The following SSU72L2 variants were observed in gnomAD, a reference collection of about 807,000 sequenced individuals.
SSU72L2 encodes RNA polymerase II subunit A C-terminal domain phosphatase SSU72 like protein 2.
the SSU72L2 span, among the ~76,000 whole-genome samples, chr11:4,241,819 C>G: frequency 0.32 from 45,174 of 140,326 alleles, 7,586 homozygotes; most frequent in African/African-American, 0.34. Context: ...AATTAGTTAT[C>G]CCATGTAATG....
the SSU72L2 span, among the ~76,000 whole-genome samples, chr11:4,241,805 A>G: frequency 6.7e-6 from 1 of 148,936 alleles, no homozygotes. Flanking sequence ...TGATATAAGC[A>G]TGAAATTAGT....
At chr11:4,242,007 C>T in the SSU72L2 span, 14,760 of 613,002 alleles carry the variant, frequency 0.024, 575 homozygotes, top group Non-Finnish European at 0.035. Flanking sequence ...GGACTAAAGT[C>T]CCATGTCTAA....
chr11:4,242,501 G>T, the SSU72L2 span: 155 of 774,232 alleles, frequency 2.0e-4, no homozygotes, highest in Non-Finnish European at 3.2e-4. Context: ...ATTGGGTCTT[G>T]GTCCTGGTAG....
the SSU72L2 span, among the ~76,000 whole-genome samples, chr11:4,241,885 A>G: frequency 6.7e-6 from 1 of 149,162 alleles, no homozygotes; most frequent in Non-Finnish European, 1.5e-5. Flanking sequence ...AGTCCTTCTC[A>G]TTTCCCATAA....
At chr11:4,241,651 G>T in the SSU72L2 span, among the ~76,000 whole-genome samples, 1 of 144,612 alleles carries the variant, frequency 6.9e-6, no homozygotes. Flanking sequence ...TTGAGAAAAG[G>T]AAGTTTATTT....
chr11:4,241,832 C>T, the SSU72L2 span, among the ~76,000 whole-genome samples: 1 of 148,268 alleles, frequency 6.7e-6, no homozygotes, highest in Non-Finnish European at 1.5e-5. Context: ...ATGTAATGCA[C>T]CTAGCACAAT....
the SSU72L2 span, among the ~76,000 whole-genome samples, chr11:4,241,736 A>T: frequency 2.7e-5 from 4 of 148,840 alleles, no homozygotes; most frequent in Non-Finnish European, 1.5e-5. Flanking sequence ...GCAGTCCATT[A>T]TCAGCTCGGT....
chr11:4,242,487 G>A, the SSU72L2 span: 49 of 776,384 alleles, frequency 6.3e-5, no homozygotes, highest in African/African-American at 7.6e-4. Context: ...TAAACTACAG[G>A]ACGATTGGGT....
chr11:4,241,703 C>A, the SSU72L2 span, among the ~76,000 whole-genome samples: 2 of 146,702 alleles, frequency 1.4e-5, no homozygotes, highest in East Asian at 4.1e-4. Flanking sequence ...CTGCTGAATA[C>A]CCTTAAACAA....
At chr11:4,242,655 G>C in the SSU72L2 span, 2 of 580,794 alleles carry the variant, frequency 3.4e-6, no homozygotes, top group Admixed American at 3.0e-5. Flanking sequence ...GCGGCCACTG[G>C]GAACCAGAGA....
At chr11:4,242,649 C>T in the SSU72L2 span, 2 of 581,366 alleles carry the variant, frequency 3.4e-6, no homozygotes. Flanking sequence ...ATGATGGCGG[C>T]CACTGGGAAC....
chr11:4,242,568 T>G, the SSU72L2 span: 1 of 741,492 alleles, frequency 1.3e-6, no homozygotes, highest in East Asian at 2.5e-5. Flanking sequence ...TTCCTGAGGA[T>G]GCTGTGGGCC....
At chr11:4,242,538 A>T in the SSU72L2 span, 1 of 764,936 alleles carries the variant, frequency 1.3e-6, no homozygotes. Context: ...GTTCCAAAAG[A>T]CCGGACACTT....
At chr11:4,242,408 C>A in the SSU72L2 span, 80,473 of 761,578 alleles carry the variant, frequency 0.11, 59 homozygotes, top group South Asian at 0.15. Context: ...GATTCCGTTG[C>A]GGGTGTAGCA....
the SSU72L2 span, chr11:4,242,048 C>T: frequency 5.2e-5 from 32 of 610,476 alleles, no homozygotes; most frequent in Middle Eastern, 1.7e-3. Flanking sequence ...CAAAGCCAGC[C>T]CAGATGTTCA....
the SSU72L2 span, chr11:4,242,691 G>A: frequency 8.2e-5 from 47 of 571,982 alleles, no homozygotes; most frequent in Non-Finnish European, 1.2e-4. Context: ...GCTGCTGCAG[G>A]GTCTCGGAGC....
chr11:4,241,824 G>A, the SSU72L2 span, among the ~76,000 whole-genome samples: 41 of 146,584 alleles, frequency 2.8e-4, no homozygotes, highest in East Asian at 8.3e-4. Flanking sequence ...GTTATCCCAT[G>A]TAATGCACCT....
Sources: gnomAD v4.1 joint callset for allele counts (sites outside exome capture counted in the v4.1 genomes callset) on GRCh38, gnomAD v4.1.1 for gene constraint, MANE v1.5 for transcripts, NCBI Gene and HGNC (gene_info 2026-07-23, HGNC 2026-07-21) for gene names.